Variants in KCNG2 observed in about 807,000 individuals in gnomAD.
KCNG2 encodes potassium voltage-gated channel modifier subfamily G member 2.
In KCNG2, 7 loss-of-function variants were observed where a neutral mutation model predicts 12.3. The observed-to-expected ratio is 0.57, with a 90% confidence interval of 0.32 to 1.07. The LOEUF (loss-of-function observed/expected upper bound fraction) is 1.07, where lower values mean the gene tolerates loss of function less well. Among genes scored for constraint, KCNG2 ranks in the 50% least tolerant of loss-of-function variants. KCNG2 has a pLI of 0.04. For missense variants in KCNG2, 703 were observed against 726.0 expected (o/e 0.97, Z 0.36); for synonymous variants, 414 against 351.4 (o/e 1.18, Z -1.99).
rs2087581270 is a variant in KCNG2, at chr18:79,822,752, C to T, written c.-115+24738C>T. Among the ~76,000 whole-genome samples the T allele has an allele frequency of 1.3e-5, 2 of 152,198 alleles. No homozygotes were observed. The highest frequency in any genetic ancestry group is 6.5e-5 in the Admixed American group (1 of 15,284). ...CCTTCAAACGTGTGCTGTGCTCACCCCGAGAGACTGGAGCCTGCTGCGTGT... is the reference window on the plus strand; with the variant it reads ...CCTTCAAACGTGTGCTGTGCTCACCTCGAGAGACTGGAGCCTGCTGCGTGT... On this transcript the variant is annotated intron_variant, in intron 1 of 3. Transcript: ENST00000316249. The surrounding 1 kb of genome is among the most constrained non-coding windows in gnomAD (Gnocchi z 4.4).
In KCNG2 at chr18:79,893,175, C is replaced by T. The variant is rs531558817; in HGVS notation, c.625-5865C>T. 1.5e-4 allele frequency among the ~76,000 whole-genome samples: 22 copies of T among 150,010 alleles called. No homozygotes were observed. The South Asian group carries it at 4.5e-3, about 31-fold the overall frequency. The stretch of plus-strand genomic sequence containing the variant: ...CTAATGTTATGATTGATATAGTTGG[C>T]TCCGTGTCCGCTTTTGATTGGGTTC... On this transcript the variant is annotated intron_variant, in intron 3 of 3. Transcript: ENST00000316249.
rs1979348802 is a variant in KCNG2, at chr18:79,864,092, C to T, written c.425C>T (p.Ala142Val). 2 of 1,087,228 alleles carry T rather than the reference C, an allele frequency of 1.8e-6. No individual in the cohort carries two copies. The highest frequency in any genetic ancestry group is 2.2e-6 in the Non-Finnish European group (2 of 897,738). The allele number at this position is 1,087,228 out of a possible 1,614,324, so 67.3% of individuals were successfully genotyped here. A position where few individuals can be genotyped will look rare whatever the true frequency, so the allele number is the denominator to read the frequency against. ...CGCGCGGGGCCGACGGAGCGCGGGGCGCAGGGGAGCCCGGCGCGCGCCCTG... is the reference window on the plus strand; with the variant it reads ...CGCGCGGGGCCGACGGAGCGCGGGGTGCAGGGGAGCCCGGCGCGCGCCCTG... Reference protein sequence around the residue: ...EARAGPTERGAQGSPARALGP... With the variant: ...EARAGPTERGVQGSPARALGP... The change falls in exon 3 of 4, where the codon GCG becomes GTG. Residue 142 changes from alanine to valine, a missense_variant. Physicochemically the swap from Ala to Val is moderately conservative, Grantham distance 64. Coordinates refer to ENST00000316249, the MANE Select transcript of KCNG2 (RefSeq NM_012283.2).
At chr18:79,827,485 A>G (rs1568247895) in intron 1 of KCNG2, among the ~76,000 whole-genome samples, 1 of 152,176 alleles carries the variant, frequency 6.6e-6, no homozygotes, top group Non-Finnish European at 1.5e-5. Flanking sequence ...AGTTTAGCAC[A>G]GCGGCTCTCA....
At chr18:79,896,151 A>G (rs1352341514) in intron 3 of KCNG2, among the ~76,000 whole-genome samples, 1 of 152,046 alleles carries the variant, frequency 6.6e-6, no homozygotes, top group African/African-American at 2.4e-5. Context: ...TTTTTAGTAG[A>G]GACAGGGTTT....
At chr18:79,829,162 G>A (rs111602173) in intron 1 of KCNG2, among the ~76,000 whole-genome samples, 8 of 145,846 alleles carry the variant, frequency 5.5e-5, no homozygotes, top group South Asian at 2.2e-4. Flanking sequence ...GTGTGCGTGT[G>A]TGTAACATGT....
intron 3 of KCNG2, among the ~76,000 whole-genome samples, chr18:79,868,995 C>T (rs1440663247): frequency 2.6e-5 from 4 of 152,180 alleles, no homozygotes; most frequent in African/African-American, 4.8e-5. Context: ...AGGCTGAGTC[C>T]AGCCACCACA....
rs777749871 is a variant in KCNG2 at position 79,899,463 on chromosome 18, C to T, written c.1048C>T (p.Arg350Cys). The T allele has an allele frequency of 1.8e-5, 29 of 1,604,200 alleles. No individual in the cohort carries two copies. Among genetic ancestry groups the T allele is most frequent in the Non-Finnish European group, 2.1e-5 (25 of 1,176,522 alleles). ...VHLAERELGA[R>C]RDFSSVPASY... ...CCTGGCCGAGCGCGAGCTGGGCGCG[C>T]GCCGCGACTTCTCCAGCGTGCCCGC... The change falls in exon 4 of 4, where the codon CGC becomes TGC. Residue 350 changes from arginine (R) to cysteine (C), a missense_variant. Physicochemically the swap from Arg to Cys is radical, Grantham distance 180. Coordinates refer to ENST00000316249, the MANE Select transcript of KCNG2 (RefSeq NM_012283.2).
At chr18:79,850,220 C>G (rs548335764) in intron 1 of KCNG2, among the ~76,000 whole-genome samples, 1 of 152,338 alleles carries the variant, frequency 6.6e-6, no homozygotes, top group East Asian at 1.9e-4. Context: ...CAACTTTACT[C>G]ATACAGCCGA....
In KCNG2 at chr18:79,803,736, C is replaced by T. The variant is rs1447152752; in HGVS notation, c.-115+5722C>T. 1.3e-5 allele frequency among the ~76,000 whole-genome samples: 2 copies of T among 152,218 alleles called. No homozygotes were observed. The highest frequency in any genetic ancestry group is 2.4e-5 in the African/African-American group (1 of 41,462). ...TGTCCAGGAGCCCTCACAGCTCAGC[C>T]GGGGCCCTCCTGCGTCTCCCGACCA... is the stretch of plus-strand genomic sequence containing the variant. On this transcript the variant is annotated intron_variant, in intron 1 of 3. Transcript: ENST00000316249. The surrounding 1 kb of genome is among the most constrained non-coding windows in gnomAD (Gnocchi z 4.5).
chr18:79,816,868 C>G (rs2087532436), intron 1 of KCNG2, among the ~76,000 whole-genome samples: 1 of 152,216 alleles, frequency 6.6e-6, no homozygotes, highest in African/African-American at 2.4e-5. Flanking sequence ...TGTTACTGAG[C>G]AGAACCAGTG....
chr18:79,841,019 A>G (rs1262280540), intron 1 of KCNG2, among the ~76,000 whole-genome samples: 1 of 152,244 alleles, frequency 6.6e-6, no homozygotes, highest in Non-Finnish European at 1.5e-5. Flanking sequence ...CAGTAATTCC[A>G]GCACTTCTGG....
chr18:79,881,780 G>A (rs1599426173), intron 3 of KCNG2, among the ~76,000 whole-genome samples: 1 of 152,130 alleles, frequency 6.6e-6, no homozygotes, highest in Non-Finnish European at 1.5e-5. Flanking sequence ...CCTAGGAACC[G>A]TTTTGAAAAA....
chr18:79,804,719 G>T (rs947316884), intron 1 of KCNG2, among the ~76,000 whole-genome samples: 2 of 152,200 alleles, frequency 1.3e-5, no homozygotes, highest in Non-Finnish European at 2.9e-5. Flanking sequence ...GGGAACAAGT[G>T]GAGGGCCTCT....
At chr18:79,809,248 G>A (rs1312468790) in intron 1 of KCNG2, among the ~76,000 whole-genome samples, 2 of 59,134 alleles carry the variant, frequency 3.4e-5, no homozygotes, top group Non-Finnish European at 3.2e-5. Context: ...TCCACGTTAT[G>A]GGCCCAGAGT....
intron 3 of KCNG2, among the ~76,000 whole-genome samples, chr18:79,875,294 C>G (rs1265399840): frequency 6.6e-6 from 1 of 152,168 alleles, no homozygotes; most frequent in Non-Finnish European, 1.5e-5. Flanking sequence ...CAAATCTGAA[C>G]AGGCGGTCCT....
At chr18:79,865,978 C>G (rs867876884) in intron 3 of KCNG2, among the ~76,000 whole-genome samples, 2 of 37,624 alleles carry the variant, frequency 5.3e-5, no homozygotes, top group Non-Finnish European at 1.1e-4. Context: ...GACTGTGTGC[C>G]GAGGTCTGGG....
At chr18:79,871,754 G>A (rs533081238) in intron 3 of KCNG2, among the ~76,000 whole-genome samples, 2 of 152,334 alleles carry the variant, frequency 1.3e-5, no homozygotes, top group East Asian at 3.9e-4. Context: ...CGTTGGCCTG[G>A]ACGTCTGCGG....
At chr18:79,818,639 C>T (rs116711273) in intron 1 of KCNG2, among the ~76,000 whole-genome samples, 3 of 152,194 alleles carry the variant, frequency 2.0e-5, no homozygotes, top group Non-Finnish European at 4.4e-5. Context: ...ATCTCCGATG[C>T]GGAAACTGCT....
intron 1 of KCNG2, among the ~76,000 whole-genome samples, chr18:79,847,286 G>A (rs919998140): frequency 2.6e-5 from 4 of 152,160 alleles, no homozygotes; most frequent in African/African-American, 9.7e-5. Context: ...TTTGGGGTCG[G>A]ATAGCTTTGC....
Sources: allele counts gnomAD v4.1 joint callset (sites outside exome capture counted in the v4.1 genomes callset), GRCh38; gene constraint gnomAD v4.1.1; non-coding constraint Gnocchi (gnomAD v3.1); transcripts MANE v1.5; gene names NCBI Gene and HGNC (gene_info 2026-07-23, HGNC 2026-07-21).